The following SETBP1 variants were observed in gnomAD, a reference collection of about 807,000 sequenced individuals.
The protein encoded by SETBP1 is SET-binding protein.
In SETBP1, 9 loss-of-function variants were observed where a neutral mutation model predicts 101.0. That is an observed-to-expected ratio of 0.09 (90% confidence interval 0.05 to 0.16). The LOEUF (loss-of-function observed/expected upper bound fraction) is 0.16, where lower values mean the gene tolerates loss of function less well. Among genes scored for constraint, SETBP1 ranks in the 10% least tolerant of loss-of-function variants. SETBP1 has a pLI of 1.00. For synonymous variants in SETBP1, 818 were observed against 788.5 expected, an observed-to-expected ratio of 1.04 and a Z score of -0.63; for missense variants, 1,858 against 2,033.8, an observed-to-expected ratio of 0.91 and a Z score of 1.66.
intron 3 of SETBP1, among the ~76,000 whole-genome samples, chr18:44,872,600 C>T (rs905218537): frequency 1.3e-5 from 2 of 152,218 alleles, no homozygotes; most frequent in Non-Finnish European, 2.9e-5. Flanking sequence ...CAAACGCTGG[C>T]ATCCAGTGCC....
At chr18:45,002,549 CT>C (rs1271275585) in intron 4 of SETBP1, among the ~76,000 whole-genome samples, 1 of 152,156 alleles carries the variant, frequency 6.6e-6, no homozygotes, top group Non-Finnish European at 1.5e-5. Context: ...TCCTTCTTAT[CT>C]CCCTCCACAC....
chr18:44,904,279 A>G (rs1040910309), intron 3 of SETBP1, among the ~76,000 whole-genome samples: 5 of 152,174 alleles, frequency 3.3e-5, no homozygotes, highest in African/African-American at 1.2e-4. Context: ...TAGTTTTCTG[A>G]CAATACATAC....
At chr18:44,902,338 C>T (rs2070069797) in intron 3 of SETBP1, among the ~76,000 whole-genome samples, 1 of 152,104 alleles carries the variant, frequency 6.6e-6, no homozygotes, top group South Asian at 2.1e-4. Flanking sequence ...ATATTTATTT[C>T]TACATTATAT....
At chr18:44,984,909 G>A (rs547098175) in intron 4 of SETBP1, among the ~76,000 whole-genome samples, 2 of 152,334 alleles carry the variant, frequency 1.3e-5, no homozygotes, top group South Asian at 4.1e-4. Context: ...GGGAGGCCAA[G>A]GCGGGCAGAT....
chr18:44,856,944 C>T (rs1664668099), intron 2 of SETBP1, among the ~76,000 whole-genome samples: 1 of 152,198 alleles, frequency 6.6e-6, no homozygotes, highest in Non-Finnish European at 1.5e-5. Flanking sequence ...TTCTTATGCT[C>T]TCCAAATTAT....
chr18:44,782,732 A>C (rs929726119), intron 2 of SETBP1, among the ~76,000 whole-genome samples: 1 of 152,256 alleles, frequency 6.6e-6, no homozygotes, highest in African/African-American at 2.4e-5. Context: ...GGGGGTTGCA[A>C]ATATGTCTAG....
chr18:44,742,587 C>A (rs1284423272), intron 2 of SETBP1, among the ~76,000 whole-genome samples: 1 of 152,204 alleles, frequency 6.6e-6, no homozygotes, highest in Non-Finnish European at 1.5e-5. Context: ...ACAAAAGAAT[C>A]CCTACCAGAA....
At chr18:45,001,369 C>G (rs1488634358) in intron 4 of SETBP1, among the ~76,000 whole-genome samples, 2 of 152,124 alleles carry the variant, frequency 1.3e-5, no homozygotes, top group African/African-American at 4.8e-5. Flanking sequence ...AGTAAATGCA[C>G]AATAAATGTT....
At chr18:44,751,374 G>A (rs1447016902) in intron 2 of SETBP1, among the ~76,000 whole-genome samples, 1 of 152,188 alleles carries the variant, frequency 6.6e-6, no homozygotes, top group Non-Finnish European at 1.5e-5. Flanking sequence ...AGAGCTGGAA[G>A]GTAAGAAAGT....
rs138341656 is a variant in SETBP1, at chr18:44,869,824, T to G, written c.540+541T>G. 9.4e-5 allele frequency: 18 copies of G among 192,242 alleles called. No individual in the cohort carries two copies. In the East Asian group the frequency reaches 2.1e-3, roughly 22 times the overall value. 11.9% of individuals were successfully genotyped at this position (192,242 alleles called of 1,614,324 possible). A position where few individuals can be genotyped will look rare whatever the true frequency, so the allele number is the denominator to read the frequency against. On this transcript the variant is annotated intron_variant, in intron 3 of 5. Coordinates refer to ENST00000649279, the MANE Select transcript of SETBP1 (RefSeq NM_015559.3). ...TGGAGGTTACTATGGGCAAACTGTGTGAGGATGTAGGCAAGGGCTTTCTGG... is the reference window on the plus strand; with the variant it reads ...TGGAGGTTACTATGGGCAAACTGTGGGAGGATGTAGGCAAGGGCTTTCTGG...
rs1164106002 is a variant in SETBP1, at chr18:44,776,449, G to A, written c.486+74617G>A. On this transcript the variant is annotated intron_variant, in intron 2 of 5. Transcript: ENST00000649279. ...CTCATTTCATTTAGTGACACCGTGA[G>A]GTGGAACTGTCTGGATAAGACTCCA... Among the ~76,000 whole-genome samples, 3 of 152,154 alleles carry A rather than the reference G, an allele frequency of 2.0e-5. 1 individual carries two copies. Among genetic ancestry groups the A allele is most frequent in the Admixed American group, 2.0e-4 (3 of 15,282 alleles).
intron 4 of SETBP1, among the ~76,000 whole-genome samples, chr18:44,959,699 G>A (rs766969349): frequency 1.3e-5 from 2 of 152,148 alleles, no homozygotes; most frequent in African/African-American, 2.4e-5. Flanking sequence ...TGTGTTCTCA[G>A]TGGGGGAGGA....
intron 4 of SETBP1, among the ~76,000 whole-genome samples, chr18:45,000,167 G>C (rs909926400): frequency 5.9e-5 from 9 of 152,228 alleles, no homozygotes; most frequent in Admixed American, 4.6e-4. Flanking sequence ...GCATAAAGTT[G>C]TCTAGACTGG....
At chr18:44,999,310 A>T (rs1288047424) in intron 4 of SETBP1, among the ~76,000 whole-genome samples, 1 of 152,224 alleles carries the variant, frequency 6.6e-6, no homozygotes. Flanking sequence ...AAAAGTTTCC[A>T]GGAAGTTATG....
intron 2 of SETBP1, among the ~76,000 whole-genome samples, chr18:44,816,473 G>T (rs2071979101): frequency 6.6e-6 from 1 of 152,132 alleles, no homozygotes; most frequent in African/African-American, 2.4e-5. Flanking sequence ...GCCAGACTAT[G>T]GGAAAGGCAA....
At chr18:45,056,184 T>C (rs1424920497) in intron 5 of SETBP1, among the ~76,000 whole-genome samples, 1 of 152,272 alleles carries the variant, frequency 6.6e-6, no homozygotes, top group African/African-American at 2.4e-5. Flanking sequence ...AACAGAACTC[T>C]ATGTGGTATA....
chr18:44,691,491 T>C (rs1157475756), intron 1 of SETBP1, among the ~76,000 whole-genome samples: 1 of 152,174 alleles, frequency 6.6e-6, no homozygotes, highest in Non-Finnish European at 1.5e-5. Flanking sequence ...GTAGAGATTT[T>C]TCACCAGGGA....
intron 4 of SETBP1, among the ~76,000 whole-genome samples, chr18:44,981,525 A>G (rs2072112228): frequency 6.6e-6 from 1 of 152,234 alleles, no homozygotes; most frequent in Non-Finnish European, 1.5e-5. Context: ...TTGTCAATAA[A>G]ATCTGCAGAT....
At position 44,955,080 on chromosome 18, in the gene SETBP1, C is replaced by T. The variant is rs140840383; in HGVS notation, c.4000+1740C>T. Among the ~76,000 whole-genome samples, 313 of 152,260 alleles carry T rather than the reference C, an allele frequency of 2.1e-3. 1 individual carries two copies. Among genetic ancestry groups the T allele is most frequent in the African/African-American group, 7.1e-3 (294 of 41,526 alleles). ...AAGACCTCAAGAAGCTAAAACCAGA[C>T]GTTGTTGCATGTTAGGTTTCTCAAC... On this transcript the variant is annotated intron_variant, in intron 4 of 5. Coordinates refer to ENST00000649279, the MANE Select transcript of SETBP1 (RefSeq NM_015559.3).
Sources: allele counts gnomAD v4.1 joint callset (sites outside exome capture counted in the v4.1 genomes callset), GRCh38; gene constraint gnomAD v4.1.1; transcripts MANE v1.5; gene names NCBI Gene and HGNC (gene_info 2026-07-23, HGNC 2026-07-21).